The following SKI variants were observed in gnomAD, a reference collection of about 807,000 sequenced individuals.
SKI encodes the protein SKI proto-oncogene.
SKI carries 23 observed loss-of-function variants against 59.3 expected under a neutral mutation model. That is an observed-to-expected ratio of 0.39 (90% CI 0.28 to 0.55). SKI has a LOEUF of 0.55. SKI is among the 20% of genes least tolerant of loss of function. The pLI, the probability that SKI is intolerant of heterozygous loss-of-function variation, is 0.67. For missense variants in SKI, 1,017 were observed against 1,038.9 expected (o/e 0.98, Z 0.29); for synonymous variants, 673 against 488.6 (o/e 1.38, Z -4.98).
intron 1 of SKI, among the ~76,000 whole-genome samples, chr1:2,246,808 A>G (rs947798363): frequency 6.6e-6 from 1 of 151,886 alleles, no homozygotes; most frequent in Non-Finnish European, 1.5e-5. Context: ...GTGAAGGGGC[A>G]CCTACCGTGT....
At position 2,267,613 on chromosome 1, in the gene SKI, C is replaced by G. The variant is rs1639527811; in HGVS notation, c.970-35365C>G. Among the ~76,000 whole-genome samples the G allele has an allele frequency of 6.6e-6, 1 of 152,130 alleles. No individual in the cohort carries two copies. The highest frequency in any genetic ancestry group is 6.6e-5 in the Admixed American group (1 of 15,266). On this transcript the variant is annotated intron_variant, in intron 1 of 6. Coordinates refer to ENST00000378536, the MANE Select transcript of SKI (RefSeq NM_003036.4). This position sits in a 1 kb window ranked among gnomAD's most constrained non-coding sequence, Gnocchi z 4.1. ...CACGTGGTCAGCACTGCACTCTGCTCTCATCGGAAGCTGGGCAGTGGCCAG... is the reference window on the plus strand; with the variant it reads ...CACGTGGTCAGCACTGCACTCTGCTGTCATCGGAAGCTGGGCAGTGGCCAG...
chr1:2,266,793 G>T (rs1252465651), intron 1 of SKI, among the ~76,000 whole-genome samples: 1 of 152,148 alleles, frequency 6.6e-6, no homozygotes, highest in Admixed American at 6.5e-5. Context: ...TCGTCACAGC[G>T]GCCGGATATC....
chr1:2,272,445 C>T (rs1028576724), intron 1 of SKI, among the ~76,000 whole-genome samples: 1 of 152,232 alleles, frequency 6.6e-6, no homozygotes, highest in African/African-American at 2.4e-5. Flanking sequence ...GGAGACGGCC[C>T]TGGCCCAGCG....
chr1:2,306,532 G>T (rs1445401402), intron 6 of SKI, 45 bp from the exon 7 acceptor site: 2 of 1,522,358 alleles, frequency 1.3e-6, no homozygotes, highest in East Asian at 2.5e-5. Context: ...TCGGGCCGGG[G>T]CAGGGCAGCG....
chr1:2,306,697 G>A lies in SKI; in HGVS notation c.2119G>A (p.Glu707Lys), dbSNP rs2100926028. 6.5e-7 allele frequency: 1 copy of A among 1,543,072 alleles called. No homozygotes were observed. The highest frequency in any genetic ancestry group is 8.7e-7 in the Non-Finnish European group (1 of 1,144,670). The change falls in exon 7 of 7, where the codon GAA (glutamate) becomes AAA (lysine). Residue 707 changes from glutamate (E) to lysine (K), a missense_variant. By Grantham distance (56) the Glu-to-Lys change is moderately conservative. Coordinates refer to ENST00000378536, the MANE Select transcript of SKI (RefSeq NM_003036.4). ...HLEKVVKELQ[E>K]QLWPRARPEA... ...GGAGAAGGTGGTGAAGGAGCTGCAG[G>A]AACAGCTGTGGCCGCGGGCCCGCCC...
chr1:2,306,797 A>ATCGCGCCGCCG lies in SKI; in HGVS notation c.*32_*33insTCGCGCCGCCG. On this transcript the variant is annotated 3_prime_UTR_variant, in exon 7 of 7. Coordinates refer to ENST00000378536, the MANE Select transcript of SKI (RefSeq NM_003036.4). Reference sequence around the variant, plus strand: ...TGCCTGCCGCCGCAGCGCCGCCGACAACGCGGGTGCAGGGGGGCGCGGCTG... The same window carrying ATCGCGCCGCCG: ...TGCCTGCCGCCGCAGCGCCGCCGACATCGCGCCGCCGACGCGGGTGCAGGGGGGCGCGGCTG... The ATCGCGCCGCCG allele has an allele frequency of 2.1e-6, 3 of 1,459,846 alleles. No homozygotes were observed. The South Asian group carries it at 3.9e-5, about 19-fold the overall frequency. The allele number at this position is 1,459,846 out of a possible 1,614,324, so 90.4% of individuals were successfully genotyped here.
At chr1:2,258,805 C>T (rs529288302) in intron 1 of SKI, among the ~76,000 whole-genome samples, 55 of 152,230 alleles carry the variant, frequency 3.6e-4, no homozygotes, top group South Asian at 2.1e-3. Context: ...CCTTGGCCTC[C>T]CAAAGTGCTG....
chr1:2,232,787 C>T (rs993065378), intron 1 of SKI: 2 of 152,376 alleles, frequency 1.3e-5, no homozygotes, highest in Non-Finnish European at 2.9e-5. Flanking sequence ...ACCTCTCTGC[C>T]TCAGTGTAAA....
intron 1 of SKI, among the ~76,000 whole-genome samples, chr1:2,246,840 A>G (rs1639008641): frequency 7.5e-6 from 1 of 133,050 alleles, no homozygotes; most frequent in South Asian, 2.7e-4. Context: ...AGCAGCAGCA[A>G]AGAGGAACCT....
chr1:2,228,330 G>T lies in SKI; in HGVS notation c.-437G>T, dbSNP rs1638547584. ...GCGCCCGCGCCCCCGCTCCTCCCGG[G>T]CCCCTCGGCCTCGGCCGCCGCGGCG... is the stretch of plus-strand genomic sequence containing the variant. On this transcript the variant is annotated 5_prime_UTR_variant, in exon 1 of 7. Coordinates refer to ENST00000378536, the MANE Select transcript of SKI (RefSeq NM_003036.4). Among the ~76,000 whole-genome samples, 1 of 142,634 alleles carries T rather than the reference G, an allele frequency of 7.0e-6. No individual in the cohort carries two copies. The highest frequency in any genetic ancestry group is 2.5e-5 in the African/African-American group (1 of 39,844). 93.6% of individuals were successfully genotyped at this position (142,634 alleles called of 152,430 possible).
Position 2,228,857 on chromosome 1 carries a change from TCG to T in SKI, c.93_94del (p.Leu32GlyfsTer197). 7.0e-7 allele frequency: 1 copy of T among 1,427,732 alleles called. No individual in the cohort carries two copies. The highest frequency in any genetic ancestry group is 2.4e-5 in the Admixed American group (1 of 41,570). The allele number at this position is 1,427,732 out of a possible 1,614,324, so 88.4% of individuals were successfully genotyped here. Reference protein sequence around the residue: ...LEQFHLSSMSSLGGPAAFSAR... With the variant: ...LEQFHLSSMSXLGGPAAFSAR... ...GCAGTTCCACCTGAGCTCCATGAGCTCGCTGGGCGGCCCGGCCGCTTTCTCGG... is the reference window on the plus strand; with the variant it reads ...GCAGTTCCACCTGAGCTCCATGAGCTCTGGGCGGCCCGGCCGCTTTCTCGG... On this transcript the variant is annotated frameshift_variant, in exon 1 of 7. Coordinates refer to ENST00000378536, the MANE Select transcript of SKI (RefSeq NM_003036.4). LOFTEE classifies it high-confidence loss of function.
intron 1 of SKI, among the ~76,000 whole-genome samples, chr1:2,296,690 C>T (rs923100582): frequency 6.6e-6 from 1 of 152,104 alleles, no homozygotes; most frequent in Non-Finnish European, 1.5e-5. Flanking sequence ...TTTTCCCTTT[C>T]TCGATGGTGT....
At chr1:2,249,326 G>A (rs1015424899) in intron 1 of SKI, among the ~76,000 whole-genome samples, 3 of 152,240 alleles carry the variant, frequency 2.0e-5, no homozygotes, top group African/African-American at 7.2e-5. Flanking sequence ...GTGCAGGCCG[G>A]ATGTTCCTAG....
At chr1:2,253,883 G>C (rs1214392060) in intron 1 of SKI, among the ~76,000 whole-genome samples, 1 of 152,208 alleles carries the variant, frequency 6.6e-6, no homozygotes, top group Non-Finnish European at 1.5e-5. Context: ...ACTTGCTGAG[G>C]GTTGCTTTCT....
chr1:2,306,624 G>A lies in SKI; in HGVS notation c.2046G>A (p.Glu682=). The A allele has an allele frequency of 6.5e-7, 1 of 1,544,900 alleles. No homozygotes were observed. The highest frequency in any genetic ancestry group is 8.7e-7 in the Non-Finnish European group (1 of 1,145,470). ...VKLQHAEADR[E]QLRADLLRER... Reference sequence around the variant, plus strand: ...TGCAGCACGCGGAGGCGGACCGGGAGCAGCTGCGGGCCGACCTGCTGCGGG... The same window carrying A: ...TGCAGCACGCGGAGGCGGACCGGGAACAGCTGCGGGCCGACCTGCTGCGGG... Residue 682 remains glutamate (E), a synonymous_variant, in exon 7 of 7, where the codon GAG becomes GAA. Coordinates refer to ENST00000378536, the MANE Select transcript of SKI (RefSeq NM_003036.4).
intron 1 of SKI, chr1:2,240,622 G>A (rs1382618107): frequency 1.2e-5 from 12 of 985,322 alleles, no homozygotes; most frequent in South Asian, 4.7e-5. Flanking sequence ...TCTTTAGCCC[G>A]AAGTAACCAT....
At chr1:2,278,643 G>A (rs914638451) in intron 1 of SKI, among the ~76,000 whole-genome samples, 1 of 151,844 alleles carries the variant, frequency 6.6e-6, no homozygotes, top group Non-Finnish European at 1.5e-5. Context: ...GAAGGGTGGG[G>A]TCTCTCTGGG....
At chr1:2,271,721 G>GA (rs1557831872) in intron 1 of SKI, among the ~76,000 whole-genome samples, 2 of 151,622 alleles carry the variant, frequency 1.3e-5, no homozygotes. Context: ...GGTCCCCTGG[G>GA]GGGGGGTAGG....
In SKI at chr1:2,270,236, C is replaced by T. The variant is rs1338165926; in HGVS notation, c.970-32742C>T. Among the ~76,000 whole-genome samples, 4 of 152,240 alleles carry T rather than the reference C, an allele frequency of 2.6e-5. No individual in the cohort carries two copies. The highest frequency in any genetic ancestry group is 4.1e-4 in the South Asian group (2 of 4,822). ...AAGGGCAGGTGGGCCCACTGGCTGG[C>T]GCTGCGTCTGGGTTCGGTCCTGGAC... On this transcript the variant is annotated intron_variant, in intron 1 of 6. Coordinates refer to ENST00000378536, the MANE Select transcript of SKI (RefSeq NM_003036.4). This position sits in a 1 kb window ranked among gnomAD's most constrained non-coding sequence, Gnocchi z 4.1.
Sources: gnomAD v4.1 joint callset for allele counts (sites outside exome capture counted in the v4.1 genomes callset) on GRCh38, gnomAD v4.1.1 for gene constraint, Gnocchi (gnomAD v3.1) non-coding constraint, MANE v1.5 for transcripts, NCBI Gene and HGNC (gene_info 2026-07-23, HGNC 2026-07-21) for gene names.